WDPCP: variants seen among roughly 807,000 people sequenced by gnomAD.
WDPCP encodes WD repeat containing planar cell polarity effector, also known as WD repeat-containing and planar cell polarity effector protein fritz homolog.
WDPCP carries 71 observed loss-of-function variants against 93.1 expected under a neutral mutation model. That is an observed-to-expected ratio of 0.76 (90% confidence interval 0.63 to 0.93). The LOEUF (loss-of-function observed/expected upper bound fraction) is 0.93, where lower values mean the gene tolerates loss of function less well. Ranked by LOEUF, WDPCP falls within the 40% of genes least tolerant of loss-of-function variation. WDPCP has a pLI of 0.00. For synonymous variants in WDPCP, 315 were observed against 315.0 expected (o/e 1.00, Z 0.00); for missense variants, 844 against 887.4 (o/e 0.95, Z 0.62).
At chr2:63,235,289 G>A (rs1314427378) in intron 14 of WDPCP, among the ~76,000 whole-genome samples, 2 of 152,076 alleles carry the variant, frequency 1.3e-5, no homozygotes, top group African/African-American at 4.8e-5. Context: ...CCAAGATTGA[G>A]CCAGAAAGAA....
intron 1 of WDPCP, among the ~76,000 whole-genome samples, chr2:63,582,333 G>C (rs889994078): frequency 4.6e-5 from 7 of 152,050 alleles, no homozygotes; most frequent in African/African-American, 1.2e-4. Context: ...TGGTGTCCTT[G>C]AAAACCTAGC....
At chr2:63,770,407 C>A (rs368039354) in intron 2 of WDPCP, among the ~76,000 whole-genome samples, 1 of 151,558 alleles carries the variant, frequency 6.6e-6, no homozygotes, top group East Asian at 1.9e-4. Flanking sequence ...CCAAATTAAA[C>A]CTAAAGGAAG....
chr2:63,529,676 C>A (rs1016156223), intron 1 of WDPCP, among the ~76,000 whole-genome samples: 4 of 152,042 alleles, frequency 2.6e-5, no homozygotes, highest in African/African-American at 9.7e-5. Flanking sequence ...CTAAAATTCT[C>A]TTTTTTCGTT....
chr2:63,507,655 C>T (rs1017313766), intron 1 of WDPCP, among the ~76,000 whole-genome samples: 1 of 151,892 alleles, frequency 6.6e-6, no homozygotes, highest in Admixed American at 6.6e-5. Flanking sequence ...GGGGCATGTT[C>T]TAACACAATG....
Position 63,506,509 on chromosome 2 carries a change from T to C in WDPCP, c.76-13569A>G, listed in dbSNP as rs186955254. The stretch of plus-strand genomic sequence containing the variant: ...CAGATGTCATAAAAATTTTGGAGGG[T>C]AAAAAGCAGATGGGCAAGAGATAAC... On this transcript the variant is annotated intron_variant, in intron 1 of 17. Coordinates refer to ENST00000272321, the MANE Select transcript of WDPCP (RefSeq NM_015910.7). Among the ~76,000 whole-genome samples, 18 of 150,360 alleles carry C rather than the reference T, an allele frequency of 1.2e-4. No homozygotes were observed. In the East Asian group the frequency reaches 2.1e-3, roughly 18 times the overall value.
intron 6 of WDPCP, among the ~76,000 whole-genome samples, chr2:63,443,530 T>A (rs1462617341): frequency 6.6e-6 from 1 of 151,620 alleles, no homozygotes. Context: ...TGGAGGGGAG[T>A]AAGTGAAAGG....
intron 15 of WDPCP, among the ~76,000 whole-genome samples, chr2:63,171,008 G>A (rs779389017): frequency 5.3e-5 from 8 of 151,796 alleles, no homozygotes; most frequent in African/African-American, 4.8e-5. Flanking sequence ...CTGGGGAAAC[G>A]TGTATTTCTA....
chr2:63,813,377 T>G (rs1670887876), intron 2 of WDPCP, among the ~76,000 whole-genome samples: 1 of 152,162 alleles, frequency 6.6e-6, no homozygotes, highest in African/African-American at 2.4e-5. Context: ...GGTGAAGATG[T>G]CTACTAAGCT....
intron 14 of WDPCP, among the ~76,000 whole-genome samples, chr2:63,195,095 A>T (rs1414415479): frequency 6.6e-6 from 1 of 152,168 alleles, no homozygotes; most frequent in Non-Finnish European, 1.5e-5. Context: ...TAATCTTTAC[A>T]TTTCAGAAAT....
At chr2:63,825,290 A>C (rs1335443047) in intron 1 of WDPCP, among the ~76,000 whole-genome samples, 1 of 152,164 alleles carries the variant, frequency 6.6e-6, no homozygotes, top group African/African-American at 2.4e-5. Flanking sequence ...ATATATATTA[A>C]AAGGCTCTTA....
At chr2:63,155,333 T>C (rs1574747383) in intron 15 of WDPCP, among the ~76,000 whole-genome samples, 1 of 152,220 alleles carries the variant, frequency 6.6e-6, no homozygotes, top group African/African-American at 2.4e-5. Flanking sequence ...TGAGATTCTT[T>C]GTGTGTCTGT....
At chr2:63,456,293 T>G (rs550572683) in intron 6 of WDPCP, among the ~76,000 whole-genome samples, 2 of 152,202 alleles carry the variant, frequency 1.3e-5, no homozygotes, top group East Asian at 3.9e-4. Flanking sequence ...GGTGCATGCT[T>G]GTAATCCCAG....
intron 3 of WDPCP, chr2:63,605,982 A>G (rs1161131618): frequency 5.6e-6 from 9 of 1,614,030 alleles, no homozygotes; most frequent in Middle Eastern, 1.6e-4. Context: ...GGCAACTCCT[A>G]TGGTGTTCCT....
intron 2 of WDPCP, among the ~76,000 whole-genome samples, chr2:63,767,353 G>T (rs1018321156): frequency 6.6e-6 from 1 of 152,022 alleles, no homozygotes; most frequent in Non-Finnish European, 1.5e-5. Flanking sequence ...TTTATCTGAG[G>T]CAAATACCTA....
At chr2:63,459,286 T>G (rs1239171553) in intron 6 of WDPCP, among the ~76,000 whole-genome samples, 2 of 152,030 alleles carry the variant, frequency 1.3e-5, no homozygotes, top group African/African-American at 2.4e-5. Flanking sequence ...AACAACCTCT[T>G]GTATAGGAGA....
chr2:63,204,589 G>A (rs1167866354), intron 14 of WDPCP, among the ~76,000 whole-genome samples: 4 of 152,060 alleles, frequency 2.6e-5, no homozygotes, highest in Admixed American at 6.6e-5. Context: ...TGATCTGCCC[G>A]CCTCAGCCTC....
chr2:63,336,776 C>T (rs750478468), intron 12 of WDPCP, among the ~76,000 whole-genome samples: 9 of 151,510 alleles, frequency 5.9e-5, no homozygotes, highest in African/African-American at 9.7e-5. Flanking sequence ...ACTATTTTTA[C>T]GTGTACAGTT....
intron 13 of WDPCP, among the ~76,000 whole-genome samples, chr2:63,300,429 A>G (rs1685239763): frequency 6.6e-6 from 1 of 152,032 alleles, no homozygotes; most frequent in Admixed American, 6.5e-5. Context: ...CCTTTCATGG[A>G]GGACTTAGTT....
chr2:63,471,741 G>A (rs987953718), intron 6 of WDPCP, among the ~76,000 whole-genome samples: 1 of 152,064 alleles, frequency 6.6e-6, no homozygotes, highest in Non-Finnish European at 1.5e-5. Flanking sequence ...TGAGACTAAG[G>A]CACAGTCATT....
Sources: gnomAD v4.1 joint callset for allele counts (sites outside exome capture counted in the v4.1 genomes callset) on GRCh38, gnomAD v4.1.1 for gene constraint, MANE v1.5 for transcripts, NCBI Gene and HGNC (gene_info 2026-07-23, HGNC 2026-07-21) for gene names.